The following B3GLCT variants were observed in gnomAD, a reference collection of about 807,000 sequenced individuals.
The protein encoded by B3GLCT is beta-1,3-glucosyltransferase.
In B3GLCT, 65 loss-of-function variants were observed where a neutral mutation model predicts 63.4. That is an observed-to-expected ratio of 1.03 (90% CI 0.84 to 1.26). B3GLCT has a LOEUF of 1.26. B3GLCT is among the 50% of genes most tolerant of loss of function. The pLI, the probability that B3GLCT is intolerant of heterozygous loss-of-function variation, is 0.00. For missense variants in B3GLCT, 577 were observed against 604.8 expected (o/e 0.95, Z 0.48); for synonymous variants, 233 against 219.2 (o/e 1.06, Z -0.55).
At chr13:31,294,972 T>C (rs892174960) in intron 12 of B3GLCT, among the ~76,000 whole-genome samples, 5 of 150,126 alleles carry the variant, frequency 3.3e-5, no homozygotes, top group African/African-American at 1.2e-4. Context: ...GTCTTTGATG[T>C]TGGTGACCTT....
rs1872693794 is a variant in B3GLCT at position 31,274,497 on chromosome 13, G to A, written c.661-12G>A. 4.3e-6 allele frequency: 7 copies of A among 1,614,136 alleles called. No individual in the cohort carries two copies. Among genetic ancestry groups the A allele is most frequent in the Non-Finnish European group, 5.9e-6 (7 of 1,180,018 alleles). ...GTTCTTTCATCACTGCCTGTCTCCT[G>A]TCTCGTGGCAGATTGCCCTCTACAT... On this transcript the variant is annotated splice_polypyrimidine_tract_variant and intron_variant, in intron 8 of 14. Transcript: ENST00000343307.
chr13:31,241,030 A>T (rs1461684379), intron 4 of B3GLCT, among the ~76,000 whole-genome samples: 1 of 152,222 alleles, frequency 6.6e-6, no homozygotes, highest in Non-Finnish European at 1.5e-5. Flanking sequence ...ATGTGTCTTT[A>T]TATAGAACTT....
intron 4 of B3GLCT, among the ~76,000 whole-genome samples, chr13:31,241,449 G>A (rs538529933): frequency 6.6e-6 from 1 of 152,242 alleles, no homozygotes; most frequent in Non-Finnish European, 1.5e-5. Context: ...CATGGTGCCA[G>A]TGGTGTGTGA....
intron 10 of B3GLCT, among the ~76,000 whole-genome samples, chr13:31,278,180 A>G (rs1872887909): frequency 6.6e-6 from 1 of 152,110 alleles, no homozygotes; most frequent in African/African-American, 2.4e-5. Context: ...TGTTGCTGGT[A>G]CTTTTTCTTT....
chr13:31,224,767 A>G (rs924308628), intron 3 of B3GLCT, among the ~76,000 whole-genome samples: 48 of 152,050 alleles, frequency 3.2e-4, no homozygotes, highest in Admixed American at 3.1e-3. Context: ...TTTTTTCCTC[A>G]ACTTTAAATC....
chr13:31,273,998 C>T (rs939097139), intron 8 of B3GLCT, among the ~76,000 whole-genome samples: 3 of 152,210 alleles, frequency 2.0e-5, no homozygotes, highest in Admixed American at 6.5e-5. Flanking sequence ...CTGATACCTA[C>T]TAGGGAAAAC....
Position 31,242,142 on chromosome 13 carries a change from T to C in B3GLCT, c.271-4881T>C, listed in dbSNP as rs115162457. On this transcript the variant is annotated intron_variant, in intron 4 of 14. Coordinates refer to ENST00000343307, the MANE Select transcript of B3GLCT (RefSeq NM_194318.4). ...TAGTGGAGTCAGTCCTATACCTCAGTTCTGAGGGGATCCAAAGCCTATTCT... is the reference window on the plus strand; with the variant it reads ...TAGTGGAGTCAGTCCTATACCTCAGCTCTGAGGGGATCCAAAGCCTATTCT... Among the ~76,000 whole-genome samples the C allele has an allele frequency of 1.2e-3, 178 of 152,110 alleles. 1 individual carries two copies. The highest frequency in any genetic ancestry group is 4.1e-3 in the African/African-American group (172 of 41,512).
intron 1 of B3GLCT, among the ~76,000 whole-genome samples, chr13:31,211,291 G>A (rs189634977): frequency 1.4e-4 from 22 of 152,302 alleles, no homozygotes; most frequent in Non-Finnish European, 2.9e-4. Context: ...GCTACTCGGA[G>A]GCTAAGGTAG....
intron 12 of B3GLCT, among the ~76,000 whole-genome samples, chr13:31,313,424 G>C (rs1329138898): frequency 6.6e-6 from 1 of 152,218 alleles, no homozygotes; most frequent in Non-Finnish European, 1.5e-5. Context: ...ATGGAAATGA[G>C]AAACTTGTTG....
rs1240179045 is a variant in B3GLCT, at chr13:31,215,051, C to G, written c.71C>G (p.Ala24Gly). 1 of 1,578,814 alleles carries G rather than the reference C, an allele frequency of 6.3e-7. No homozygotes were observed. Among genetic ancestry groups the G allele is most frequent in the Admixed American group, 1.8e-5 (1 of 54,654 alleles). The change falls in exon 2 of 15, where the codon GCT (alanine) becomes GGT (glycine). Residue 24 changes from alanine to glycine, a missense_variant and splice_region_variant. Coordinates refer to ENST00000343307, the MANE Select transcript of B3GLCT (RefSeq NM_194318.4). ...ATATTTCTTTTTTTTTTTTTTCCAG[C>G]TTTTGGTTTGGCTTCTGAAGATACA... ...ALLALLTCSL[A>G]FGLASEDTKK...
At chr13:31,265,034 TA>T (rs1872221652) in intron 7 of B3GLCT, among the ~76,000 whole-genome samples, 3 of 152,164 alleles carry the variant, frequency 2.0e-5, no homozygotes, top group Admixed American at 1.3e-4. Context: ...TTCAAGACAA[TA>T]AGGGCTACAT....
intron 13 of B3GLCT, 147 bp downstream of exon 13, chr13:31,317,832 AT>A: frequency 1.0e-6 from 1 of 966,114 alleles, no homozygotes; most frequent in Non-Finnish European, 1.5e-6. Flanking sequence ...TGAACATTAT[AT>A]TTGCTAAATA....
At chr13:31,294,414 T>C (rs1326297669) in intron 12 of B3GLCT, among the ~76,000 whole-genome samples, 1 of 152,222 alleles carries the variant, frequency 6.6e-6, no homozygotes, top group Non-Finnish European at 1.5e-5. Flanking sequence ...TTTTCCAACT[T>C]GGTTCCATTC....
At chr13:31,214,167 T>A (rs1566042898) in intron 1 of B3GLCT, among the ~76,000 whole-genome samples, 1 of 152,222 alleles carries the variant, frequency 6.6e-6, no homozygotes, top group Non-Finnish European at 1.5e-5. Context: ...GTGTCACTTC[T>A]CCCACCCTTT....
intron 1 of B3GLCT, 114 bp downstream of exon 1, chr13:31,200,268 C>G (rs1868573861): frequency 2.0e-6 from 1 of 491,906 alleles, no homozygotes. Flanking sequence ...CCCTGCCCCG[C>G]CGGCGCGCGC....
At chr13:31,328,725 C>T (rs992599615) in intron 14 of B3GLCT, among the ~76,000 whole-genome samples, 5 of 147,636 alleles carry the variant, frequency 3.4e-5, no homozygotes, top group South Asian at 2.2e-4. Context: ...AAAGGTTTAC[C>T]GAGAGAAACT....
intron 2 of B3GLCT, 62 bp from the exon 3 acceptor site, chr13:31,222,890 A>G (rs1441944458): frequency 3.7e-6 from 4 of 1,093,300 alleles, no homozygotes; most frequent in Non-Finnish European, 5.7e-6. Flanking sequence ...ATGTTTACTC[A>G]GTGTACTGCT....
rs548414430 is a variant in B3GLCT at position 31,255,127 on chromosome 13, G to A, written c.460-5819G>A. On this transcript the variant is annotated intron_variant, in intron 6 of 14. Coordinates refer to ENST00000343307, the MANE Select transcript of B3GLCT (RefSeq NM_194318.4). ...GCAAAGTCTCGGGATACAAAATCAAGTGCAGAAATCACAAGCGTTCCTATA... is the reference window on the plus strand; with the variant it reads ...GCAAAGTCTCGGGATACAAAATCAAATGCAGAAATCACAAGCGTTCCTATA... Among the ~76,000 whole-genome samples, 7 of 151,392 alleles carry A rather than the reference G, an allele frequency of 4.6e-5. No individual in the cohort carries two copies. In the East Asian group the frequency reaches 1.4e-3, roughly 29 times the overall value.
intron 8 of B3GLCT, among the ~76,000 whole-genome samples, chr13:31,273,285 G>A (rs1872649592): frequency 6.6e-6 from 1 of 152,028 alleles, no homozygotes; most frequent in African/African-American, 2.4e-5. Flanking sequence ...AAGTAAAGAT[G>A]GGGTTTCACC....
Sources: allele counts gnomAD v4.1 joint callset (sites outside exome capture counted in the v4.1 genomes callset), GRCh38; gene constraint gnomAD v4.1.1; transcripts MANE v1.5; gene names NCBI Gene and HGNC (gene_info 2026-07-23, HGNC 2026-07-21).